WWOX: variants seen among roughly 807,000 people sequenced by gnomAD.
WWOX encodes WW domain-containing oxidoreductase.
WWOX carries 69 observed loss-of-function variants against 46.2 expected under a neutral mutation model. The observed-to-expected ratio is 1.49, with a 90% CI of 1.23 to 1.82. WWOX has a LOEUF of 1.82. Ranked by LOEUF, WWOX falls within the 40% of genes most tolerant of loss-of-function variation. The pLI, the probability that WWOX is intolerant of heterozygous loss-of-function variation, is 0.00. For missense variants in WWOX, 919 were observed against 542.6 expected, an observed-to-expected ratio of 1.69 and a Z score of -6.89; for synonymous variants, 359 against 202.6, an observed-to-expected ratio of 1.77 and a Z score of -6.56.
intron 8 of WWOX, among the ~76,000 whole-genome samples, chr16:79,006,770 G>A (rs542323878): frequency 6.6e-6 from 1 of 152,058 alleles, no homozygotes; most frequent in Non-Finnish European, 1.5e-5. Flanking sequence ...CCATCTTCAT[G>A]GACTCAGGGT....
intron 8 of WWOX, among the ~76,000 whole-genome samples, chr16:78,959,638 A>G (rs897430630): frequency 2.6e-5 from 4 of 152,150 alleles, no homozygotes; most frequent in Non-Finnish European, 5.9e-5. Flanking sequence ...TGTCTTGGTG[A>G]AAGATCAAAG....
chr16:78,977,614 G>A (rs1217718419), intron 8 of WWOX, among the ~76,000 whole-genome samples: 2 of 152,168 alleles, frequency 1.3e-5, no homozygotes, highest in Non-Finnish European at 2.9e-5. Flanking sequence ...TGAAAGGGGA[G>A]AGGAGATAGA....
chr16:78,119,675 G>T (rs1319976593), intron 4 of WWOX, among the ~76,000 whole-genome samples: 4 of 151,246 alleles, frequency 2.6e-5, no homozygotes, highest in African/African-American at 7.3e-5. Flanking sequence ...TGTTGCTCAG[G>T]TGTTGGTCTC....
chr16:78,295,741 CA>C, intron 5 of WWOX, among the ~76,000 whole-genome samples: 1 of 150,924 alleles, frequency 6.6e-6, no homozygotes, highest in African/African-American at 2.4e-5. Context: ...AACAAACAAA[CA>C]AACAAAAACT....
chr16:78,617,955 C>T (rs186429625), intron 8 of WWOX, among the ~76,000 whole-genome samples: 1 of 152,198 alleles, frequency 6.6e-6, no homozygotes, highest in East Asian at 1.9e-4. Context: ...GACTTTTAAT[C>T]TTCATTATAT....
chr16:78,408,042 A>T (rs993556380), intron 6 of WWOX, among the ~76,000 whole-genome samples: 7 of 152,190 alleles, frequency 4.6e-5, no homozygotes, highest in African/African-American at 1.7e-4. Context: ...CTTAAAGTCC[A>T]GGTGAGAGTG....
intron 8 of WWOX, among the ~76,000 whole-genome samples, chr16:79,036,170 G>T (rs1482889467): frequency 6.6e-6 from 1 of 151,982 alleles, no homozygotes; most frequent in Non-Finnish European, 1.5e-5. Context: ...ATTTCCTTGG[G>T]TCAGGTTTCA....
intron 8 of WWOX, among the ~76,000 whole-genome samples, chr16:78,645,846 T>C (rs1053315119): frequency 2.0e-5 from 3 of 152,096 alleles, no homozygotes; most frequent in Non-Finnish European, 4.4e-5. Flanking sequence ...GGCTGGGCTC[T>C]GGGGGCTTCT....
intron 8 of WWOX, among the ~76,000 whole-genome samples, chr16:78,608,171 C>T (rs1299265195): frequency 6.6e-6 from 1 of 152,084 alleles, no homozygotes; most frequent in Admixed American, 6.5e-5. Context: ...TGCCACGGGG[C>T]CCTTCCTGGT....
At chr16:78,264,510 A>C (rs949893279) in intron 5 of WWOX, 1 of 152,186 alleles carries the variant, frequency 6.6e-6, no homozygotes, top group Admixed American at 6.5e-5. Context: ...GACTGAGGCT[A>C]ACTGAAGCTT....
At chr16:78,285,717 A>C (rs960950814) in intron 5 of WWOX, among the ~76,000 whole-genome samples, 1 of 152,198 alleles carries the variant, frequency 6.6e-6, no homozygotes. Flanking sequence ...TAATCGGCCC[A>C]TATGTGCAGC....
At chr16:78,152,285 C>T (rs2034442475) in intron 4 of WWOX, among the ~76,000 whole-genome samples, 1 of 152,000 alleles carries the variant, frequency 6.6e-6, no homozygotes, top group Admixed American at 6.5e-5. Context: ...AGTATTTTGT[C>T]CTATTCATGC....
chr16:78,671,655 C>G (rs1487999009), intron 8 of WWOX, among the ~76,000 whole-genome samples: 5 of 152,088 alleles, frequency 3.3e-5, no homozygotes, highest in African/African-American at 4.8e-5. Flanking sequence ...TTTTAAGGCA[C>G]AAATGAGACA....
intron 8 of WWOX, among the ~76,000 whole-genome samples, chr16:78,676,301 G>T (rs1473854644): frequency 6.6e-6 from 1 of 151,920 alleles, no homozygotes; most frequent in African/African-American, 2.4e-5. Context: ...AAGAAGCGAG[G>T]GTCTCAGACT....
At chr16:78,655,080 C>T (rs568734066) in intron 8 of WWOX, among the ~76,000 whole-genome samples, 8 of 152,050 alleles carry the variant, frequency 5.3e-5, no homozygotes, top group Non-Finnish European at 1.0e-4. Context: ...TCTCACCTGG[C>T]CTGCATCCTG....
intron 6 of WWOX, among the ~76,000 whole-genome samples, chr16:78,419,652 G>T (rs1042137961): frequency 7.4e-6 from 1 of 134,258 alleles, no homozygotes; most frequent in African/African-American, 3.0e-5. Context: ...AAAAAAAAAG[G>T]GTCAGAGACT....
At chr16:78,671,388 G>C (rs928305516) in intron 8 of WWOX, among the ~76,000 whole-genome samples, 2 of 152,204 alleles carry the variant, frequency 1.3e-5, no homozygotes, top group African/African-American at 4.8e-5. Flanking sequence ...TTGTGCCACT[G>C]CACTCCGGCC....
intron 8 of WWOX, among the ~76,000 whole-genome samples, chr16:78,986,861 T>G (rs1597241226): frequency 1.3e-5 from 2 of 152,194 alleles, no homozygotes; most frequent in South Asian, 4.1e-4. Flanking sequence ...ACATTATGCT[T>G]GACTTGGGAG....
chr16:78,419,911 T>C (rs2082883089), intron 6 of WWOX, among the ~76,000 whole-genome samples: 1 of 152,094 alleles, frequency 6.6e-6, no homozygotes, highest in Non-Finnish European at 1.5e-5. Flanking sequence ...GGGATTTGTA[T>C]CTAGAATAAA....
Sources: gnomAD v4.1 joint callset for allele counts (sites outside exome capture counted in the v4.1 genomes callset) on GRCh38, gnomAD v4.1.1 for gene constraint, MANE v1.5 for transcripts, NCBI Gene and HGNC (gene_info 2026-07-23, HGNC 2026-07-21) for gene names.